The following SH3RF3 variants were observed in gnomAD, a reference collection of about 807,000 sequenced individuals.
The protein encoded by SH3RF3 is SH3 domain containing ring finger 3.
In SH3RF3, 29 loss-of-function variants were observed where a neutral mutation model predicts 66.3. That is an observed-to-expected ratio of 0.44 (90% CI 0.33 to 0.60). The LOEUF (loss-of-function observed/expected upper bound fraction) is 0.60. SH3RF3 is among the 20% of genes least tolerant of loss of function. SH3RF3 has a pLI of 0.04. For missense variants in SH3RF3, 1,194 were observed against 1,190.9 expected (o/e 1.00, Z -0.04); for synonymous variants, 583 against 532.0 (o/e 1.10, Z -1.32).
chr2:109,139,094 T>C (rs1013162849), intron 1 of SH3RF3, among the ~76,000 whole-genome samples: 3 of 152,230 alleles, frequency 2.0e-5, no homozygotes, highest in Admixed American at 2.0e-4. Context: ...TATCCACATC[T>C]TTACTCTTTT....
At chr2:109,254,058 G>C (rs571851753) in intron 1 of SH3RF3, among the ~76,000 whole-genome samples, 79 of 152,104 alleles carry the variant, frequency 5.2e-4, no homozygotes, top group African/African-American at 1.8e-3. Flanking sequence ...GATTTGTCTT[G>C]AAGGGGTGCT....
chr2:109,180,427 G>A (rs1031775082), intron 1 of SH3RF3, among the ~76,000 whole-genome samples: 2 of 152,196 alleles, frequency 1.3e-5, no homozygotes, highest in African/African-American at 4.8e-5. Context: ...CCAATGAACT[G>A]GCTCCTCAGG....
At chr2:109,153,886 G>T (rs954218592) in intron 1 of SH3RF3, among the ~76,000 whole-genome samples, 1 of 152,326 alleles carries the variant, frequency 6.6e-6, no homozygotes, top group South Asian at 2.1e-4. Flanking sequence ...TAGCAGTCGG[G>T]ACTTGCTACA....
intron 1 of SH3RF3, among the ~76,000 whole-genome samples, chr2:109,148,988 T>C (rs1677163118): frequency 6.6e-6 from 1 of 152,360 alleles, no homozygotes; most frequent in South Asian, 2.1e-4. Flanking sequence ...TTTGTTTCCC[T>C]GTTTGCACTT....
At position 109,501,771 on chromosome 2, in the gene SH3RF3, C is replaced by A; in HGVS notation, c.*100C>A. ...CCATGGCGCCCCAAGGGTTCCAGGT[C>A]ATCTCCAAGGCACCTGGCGGGGGAT... On this transcript the variant is annotated 3_prime_UTR_variant, in exon 10 of 10. Transcript: ENST00000309415. 1 of 646,904 alleles carries A rather than the reference C, an allele frequency of 1.5e-6. No homozygotes were observed. The highest frequency in any genetic ancestry group is 1.7e-5 in the South Asian group (1 of 58,092). 40.1% of individuals were successfully genotyped at this position (646,904 alleles called of 1,614,324 possible).
intron 3 of SH3RF3, among the ~76,000 whole-genome samples, chr2:109,378,340 G>A (rs1192988909): frequency 6.6e-6 from 1 of 152,168 alleles, no homozygotes; most frequent in African/African-American, 2.4e-5. Flanking sequence ...AACCACATAG[G>A]CAGTGGGAGA....
intron 8 of SH3RF3, among the ~76,000 whole-genome samples, chr2:109,469,328 G>C (rs146173806): frequency 1.1e-3 from 164 of 152,370 alleles, no homozygotes; most frequent in African/African-American, 3.8e-3. Context: ...GGGGTGTGTG[G>C]CATGCGGCTG....
chr2:109,366,012 A>T (rs960155547), intron 2 of SH3RF3, among the ~76,000 whole-genome samples: 1 of 152,242 alleles, frequency 6.6e-6, no homozygotes, highest in Non-Finnish European at 1.5e-5. Flanking sequence ...TCTGGCATAT[A>T]AGACAATTCT....
At chr2:109,277,593 C>T (rs573696877) in intron 1 of SH3RF3, among the ~76,000 whole-genome samples, 2 of 152,300 alleles carry the variant, frequency 1.3e-5, no homozygotes, top group South Asian at 4.1e-4. Flanking sequence ...TATCTATCAC[C>T]CTGCACTCCT....
chr2:109,244,964 C>A (rs557110459), intron 1 of SH3RF3, among the ~76,000 whole-genome samples: 1 of 152,282 alleles, frequency 6.6e-6, no homozygotes, highest in African/African-American at 2.4e-5. Context: ...TGATCAGGTG[C>A]CAGTATCTCT....
At chr2:109,262,615 T>G (rs1230566291) in intron 1 of SH3RF3, among the ~76,000 whole-genome samples, 2 of 152,256 alleles carry the variant, frequency 1.3e-5, no homozygotes, top group Non-Finnish European at 2.9e-5. Context: ...AGCAATTGTA[T>G]GTCTACAACT....
intron 1 of SH3RF3, among the ~76,000 whole-genome samples, chr2:109,230,631 T>G (rs1379335443): frequency 6.6e-6 from 1 of 152,176 alleles, no homozygotes; most frequent in Non-Finnish European, 1.5e-5. Context: ...AAGTCAGTCT[T>G]CCACTTATGG....
At chr2:109,288,024 C>G (rs1574551928) in intron 1 of SH3RF3, among the ~76,000 whole-genome samples, 1 of 133,410 alleles carries the variant, frequency 7.5e-6, no homozygotes, top group South Asian at 2.5e-4. Context: ...GGCCTTTTGG[C>G]TGACTGCCAC....
chr2:109,472,533 A>C (rs2104730907), intron 8 of SH3RF3, among the ~76,000 whole-genome samples: 1 of 152,332 alleles, frequency 6.6e-6, no homozygotes, highest in East Asian at 1.9e-4. Context: ...TTGCTGCCTC[A>C]GAAACCCCGA....
At chr2:109,360,517 GT>G (rs1683032342) in intron 2 of SH3RF3, among the ~76,000 whole-genome samples, 1 of 152,152 alleles carries the variant, frequency 6.6e-6, no homozygotes, top group African/African-American at 2.4e-5. Context: ...TTAGACTGGG[GT>G]CCCATACCCA....
chr2:109,202,631 C>T (rs1678707566), intron 1 of SH3RF3, among the ~76,000 whole-genome samples: 1 of 152,164 alleles, frequency 6.6e-6, no homozygotes, highest in Non-Finnish European at 1.5e-5. Flanking sequence ...GTCAGCCCGG[C>T]CCCAGGAACC....
chr2:109,490,925 G>T lies in SH3RF3; in HGVS notation c.2469G>T (p.Leu823Phe), dbSNP rs1679114905. Residue 823 changes from leucine to phenylalanine, a missense_variant, in exon 9 of 10, where the codon TTG becomes TTT. Transcript: ENST00000309415. ...CCATCCGCCCCGAGCCCAAGCTGTT[G>T]CCCAGAGAGAGGTAAGTGCAGGGGC... The part of the protein sequence containing the change: ...MAAIRPEPKL[L>F]PRERYRVVVS... 2 of 1,498,990 alleles carry T rather than the reference G, an allele frequency of 1.3e-6. No homozygotes were observed. The highest frequency in any genetic ancestry group is 2.5e-5 in the East Asian group (1 of 40,302). 92.9% of individuals were successfully genotyped at this position (1,498,990 alleles called of 1,614,324 possible).
At chr2:109,280,432 G>C (rs1480424184) in intron 1 of SH3RF3, among the ~76,000 whole-genome samples, 2 of 152,162 alleles carry the variant, frequency 1.3e-5, no homozygotes, top group African/African-American at 4.8e-5. Flanking sequence ...CCCCAGTCTG[G>C]TGGACGCTCA....
At chr2:109,215,603 T>G (rs573274467) in intron 1 of SH3RF3, among the ~76,000 whole-genome samples, 162 of 152,198 alleles carry the variant, frequency 1.1e-3, no homozygotes, top group African/African-American at 3.7e-3. Context: ...CCTCTCTGGG[T>G]AGAGTTCTTC....
Sources: gnomAD v4.1 joint callset for allele counts (sites outside exome capture counted in the v4.1 genomes callset) on GRCh38, gnomAD v4.1.1 for gene constraint, MANE v1.5 for transcripts, NCBI Gene and HGNC (gene_info 2026-07-23, HGNC 2026-07-21) for gene names.